Variants in UGT1A5 observed in about 807,000 individuals in gnomAD.
UGT1A5 encodes UDP-glucuronosyltransferase 1A5.
A neutral mutation model predicts 40.3 loss-of-function variants in UGT1A5; 29 were observed. That is an observed-to-expected ratio of 0.72 (90% confidence interval 0.54 to 0.98). The LOEUF (loss-of-function observed/expected upper bound fraction) is 0.98, where lower values mean the gene tolerates loss of function less well. Among genes scored for constraint, UGT1A5 ranks in the 50% least tolerant of loss-of-function variants. The pLI, the probability that UGT1A5 is intolerant of heterozygous loss-of-function variation, is 0.00. For missense variants in UGT1A5, 678 were observed against 677.9 expected (o/e 1.00, Z 0.00); for synonymous variants, 257 against 262.5 (o/e 0.98, Z 0.20).
intron 1 of UGT1A5, among the ~76,000 whole-genome samples, chr2:233,739,951 G>A (rs533176233): frequency 1.3e-5 from 2 of 151,940 alleles, no homozygotes; most frequent in East Asian, 1.9e-4. Context: ...TACCTGGTGG[G>A]AGCTGATTGA....
At position 233,759,475 on chromosome 2, in the gene UGT1A5, C is replaced by T. The variant is rs1697147555; in HGVS notation, c.868-7559C>T. Among the ~76,000 whole-genome samples, 2 of 152,182 alleles carry T rather than the reference C, an allele frequency of 1.3e-5. 1 individual carries two copies. The highest frequency in any genetic ancestry group is 2.9e-5 in the Non-Finnish European group (2 of 68,032). ...AGTTAGCCACTCAAGATCTATCTTA[C>T]AGGACTGGCTCTTTCAGGTTCACAC... is the stretch of plus-strand genomic sequence containing the variant. On this transcript the variant is annotated intron_variant, in intron 1 of 4. Coordinates refer to ENST00000373414, the MANE Select transcript of UGT1A5 (RefSeq NM_019078.2).
At chr2:233,768,519 GC>G (rs1699633874) in intron 4 of UGT1A5, 80 bp downstream of exon 4, 1 of 1,531,284 alleles carries the variant, frequency 6.5e-7, no homozygotes, top group East Asian at 2.5e-5. Flanking sequence ...CATTTACGTA[GC>G]ATTTAATAGC....
intron 1 of UGT1A5, among the ~76,000 whole-genome samples, chr2:233,761,822 T>C (rs1451181524): frequency 6.6e-6 from 1 of 152,180 alleles, no homozygotes; most frequent in Non-Finnish European, 1.5e-5. Context: ...AGAGGCTCCT[T>C]CAGATGGAGC....
In UGT1A5 at chr2:233,712,940, C is replaced by T. The variant is rs367897859; in HGVS notation, c.-52C>T. 1.2e-4 allele frequency: 197 copies of T among 1,612,272 alleles called. 1 individual carries two copies. Among genetic ancestry groups the T allele is most frequent in the Admixed American group, 2.3e-4 (14 of 59,994 alleles). ...GGTAATTAAGACGAAGGAAACAATTCTAGGAGGCACAACGTGGGGTGGACA... is the reference window on the plus strand; with the variant it reads ...GGTAATTAAGACGAAGGAAACAATTTTAGGAGGCACAACGTGGGGTGGACA... On this transcript the variant is annotated 5_prime_UTR_variant, in exon 1 of 5. Transcript: ENST00000373414.
intron 1 of UGT1A5, chr2:233,755,152 C>G: frequency 1.5e-6 from 2 of 1,299,966 alleles, no homozygotes; most frequent in Non-Finnish European, 2.1e-6. Flanking sequence ...ACCGCTTCCT[C>G]CCTGTCCTCG....
At chr2:233,740,532 G>A (rs1691412660) in intron 1 of UGT1A5, among the ~76,000 whole-genome samples, 1 of 151,892 alleles carries the variant, frequency 6.6e-6, no homozygotes. Context: ...AATCAGCTGT[G>A]TTGAACTCCA....
Position 233,772,397 on chromosome 2 carries a change from C to A in UGT1A5, c.1443C>A (p.Asp481Glu). Residue 481 changes from aspartate (D) to glutamate (E), a missense_variant, in exon 5 of 5, where the codon GAC becomes GAA. By Grantham distance (45) the Asp-to-Glu change is conservative. Coordinates refer to ENST00000373414, the MANE Select transcript of UGT1A5 (RefSeq NM_019078.2). ...GAPHLRPAAH[D>E]LTWYQYHSLD... The stretch of plus-strand genomic sequence containing the variant: ...CACACCTGCGCCCCGCAGCCCACGA[C>A]CTCACCTGGTACCAGTACCATTCCT... The A allele has an allele frequency of 6.2e-7, 1 of 1,614,254 alleles. No individual in the cohort carries two copies. The highest frequency in any genetic ancestry group is 8.5e-7 in the Non-Finnish European group (1 of 1,180,050).
rs553351524 is a variant in UGT1A5, at chr2:233,769,411, G to A, written c.1307+972G>A. ...ATACTGTGTGCATATGTGCGTGTGC[G>A]TTTGTGCATGTGGCTGTGCTCATGT... is the stretch of plus-strand genomic sequence containing the variant. On this transcript the variant is annotated intron_variant, in intron 4 of 4. Coordinates refer to ENST00000373414, the MANE Select transcript of UGT1A5 (RefSeq NM_019078.2). This position sits in a 1 kb window ranked among gnomAD's most constrained non-coding sequence, Gnocchi z 4.4. 25 of 1,356,294 alleles carry A rather than the reference G, an allele frequency of 1.8e-5. No individual in the cohort carries two copies. The highest frequency in any genetic ancestry group is 8.6e-5 in the African/African-American group (6 of 69,942). The allele number at this position is 1,356,294 out of a possible 1,614,324, so 84.0% of individuals were successfully genotyped here. A position where few individuals can be genotyped will look rare whatever the true frequency, so the allele number is the denominator to read the frequency against.
chr2:233,748,170 T>G (rs1693885093), intron 1 of UGT1A5: 10 of 1,590,430 alleles, frequency 6.3e-6, no homozygotes, highest in Non-Finnish European at 8.6e-6. Flanking sequence ...TATCTACTTA[T>G]CTTTCTGGTG....
chr2:233,732,613 T>C (rs1008182580), intron 1 of UGT1A5, among the ~76,000 whole-genome samples: 11 of 152,338 alleles, frequency 7.2e-5, no homozygotes, highest in Admixed American at 4.6e-4. Context: ...ATCAAATGGT[T>C]GTAGATGTGT....
Position 233,719,056 on chromosome 2 carries a change from C to A in UGT1A5, c.867+5198C>A, listed in dbSNP as rs772884705. ...GAAGAGAAATTTTTCACCCTGACAGCCTATGCTGTTCCATGGACCCAGAAG... is the reference window on the plus strand; with the variant it reads ...GAAGAGAAATTTTTCACCCTGACAGACTATGCTGTTCCATGGACCCAGAAG... On this transcript the variant is annotated intron_variant, in intron 1 of 4. Transcript: ENST00000373414. 197 of 1,614,166 alleles carry A rather than the reference C, an allele frequency of 1.2e-4. 1 individual carries two copies. The highest frequency in any genetic ancestry group is 1.6e-4 in the Non-Finnish European group (189 of 1,180,058).
intron 1 of UGT1A5, among the ~76,000 whole-genome samples, chr2:233,750,317 C>A (rs543565956): frequency 1.3e-5 from 2 of 151,994 alleles, no homozygotes; most frequent in South Asian, 4.1e-4. Flanking sequence ...ATCTGTGGAA[C>A]TTTGAACTTC....
At chr2:233,719,730 C>G in intron 1 of UGT1A5, 3 of 1,613,500 alleles carry the variant, frequency 1.9e-6, no homozygotes, top group Non-Finnish European at 2.5e-6. Flanking sequence ...CCAGGCAAAA[C>G]ACTTTTTAAA....
At chr2:233,723,943 C>T (rs2125696372) in intron 1 of UGT1A5, among the ~76,000 whole-genome samples, 1 of 54,774 alleles carries the variant, frequency 1.8e-5, no homozygotes, top group African/African-American at 1.4e-4. Flanking sequence ...TCTACACAGA[C>T]ACGGCAACCA....
intron 1 of UGT1A5, chr2:233,730,102 T>C (rs972272241): frequency 1.9e-6 from 3 of 1,578,724 alleles, no homozygotes; most frequent in East Asian, 2.3e-5. Context: ...AAATATTTCA[T>C]TTCTGCTTCT....
At chr2:233,744,830 C>T (rs1397752961) in intron 1 of UGT1A5, among the ~76,000 whole-genome samples, 2 of 151,900 alleles carry the variant, frequency 1.3e-5, no homozygotes, top group African/African-American at 4.9e-5. Context: ...CTTTGAGAAT[C>T]GCTAGTCTAG....
At chr2:233,730,738 C>A (rs998277069) in intron 1 of UGT1A5, among the ~76,000 whole-genome samples, 1 of 152,038 alleles carries the variant, frequency 6.6e-6, no homozygotes, top group Non-Finnish European at 1.5e-5. Flanking sequence ...GCGGAAGGGG[C>A]TAGGGAGGAG....
At chr2:233,760,834 G>A in intron 1 of UGT1A5, 1 of 1,613,564 alleles carries the variant, frequency 6.2e-7, no homozygotes, top group Non-Finnish European at 8.5e-7. Flanking sequence ...GGAATTTGAG[G>A]CTACCCAGTG....
At chr2:233,758,572 TGAA>T (rs1353385899) in intron 1 of UGT1A5, among the ~76,000 whole-genome samples, 1 of 152,298 alleles carries the variant, frequency 6.6e-6, no homozygotes, top group East Asian at 1.9e-4. Flanking sequence ...TCCTAAAAAA[TGAA>T]GAGTGTTTGG....
Sources: allele counts gnomAD v4.1 joint callset (sites outside exome capture counted in the v4.1 genomes callset), GRCh38; gene constraint gnomAD v4.1.1; non-coding constraint Gnocchi (gnomAD v3.1); transcripts MANE v1.5; gene names NCBI Gene and HGNC (gene_info 2026-07-23, HGNC 2026-07-21).